STXBP5L: variants seen among roughly 807,000 people sequenced by gnomAD.
STXBP5L encodes the protein syntaxin binding protein 5L.
STXBP5L carries 65 observed loss-of-function variants against 144.5 expected under a neutral mutation model. The ratio of observed to expected loss-of-function variants is 0.45; its 90% CI spans 0.37 to 0.55. The LOEUF (loss-of-function observed/expected upper bound fraction) is 0.55. Ranked by LOEUF, STXBP5L falls within the 20% of genes least tolerant of loss-of-function variation. The pLI, the probability that STXBP5L is intolerant of heterozygous loss-of-function variation, is 0.00. For synonymous variants in STXBP5L, 505 were observed against 469.6 expected (o/e 1.08, Z -0.97); for missense variants, 1,298 against 1,405.5 (o/e 0.92, Z 1.22).
At chr3:121,098,397 C>T (rs1040062844) in intron 5 of STXBP5L, among the ~76,000 whole-genome samples, 1 of 152,096 alleles carries the variant, frequency 6.6e-6, no homozygotes, top group African/African-American at 2.4e-5. Flanking sequence ...ACAACTAGGT[C>T]TCATATGAAC....
intron 20 of STXBP5L, among the ~76,000 whole-genome samples, chr3:121,342,483 G>A (rs961110962): frequency 1.3e-5 from 2 of 150,864 alleles, no homozygotes; most frequent in Admixed American, 1.3e-4. Flanking sequence ...ATCTCCCACA[G>A]CTATCCTTCC....
intron 12 of STXBP5L, among the ~76,000 whole-genome samples, chr3:121,235,347 C>G (rs2049442648): frequency 6.6e-6 from 1 of 151,982 alleles, no homozygotes; most frequent in East Asian, 1.9e-4. Flanking sequence ...TCCATTTAAT[C>G]CCCAACCCGA....
Position 121,255,103 on chromosome 3 carries a change from A to G in STXBP5L, c.1650A>G (p.Thr550=). The change falls in exon 16 of 27, where the codon ACA becomes ACG. Residue 550 remains threonine, a synonymous_variant. Coordinates refer to ENST00000471454, the MANE Select transcript of STXBP5L (RefSeq NM_001308330.2). ...AATTCAGCAGACATGAAATTACAAC[A>G]GAAATAGTGGTAAGTTATTTAAAAT... The part of the protein sequence containing the change: ...IYKFSRHEIT[T]EIVSLEVRLQ... 1 of 1,586,232 alleles carries G rather than the reference A, an allele frequency of 6.3e-7. No homozygotes were observed. Among genetic ancestry groups the G allele is most frequent in the Non-Finnish European group, 8.6e-7 (1 of 1,167,454 alleles).
In STXBP5L at chr3:121,423,424, G is replaced by A. The variant is rs1003106363; in HGVS notation, c.*4327G>A. 1 of 152,172 alleles carries A rather than the reference G, an allele frequency of 6.6e-6. No homozygotes were observed. The highest frequency in any genetic ancestry group is 2.4e-5 in the African/African-American group (1 of 41,432). 9.4% of individuals were successfully genotyped at this position (152,172 alleles called of 1,614,324 possible). On this transcript the variant is annotated 3_prime_UTR_variant, in exon 27 of 27. Transcript: ENST00000471454. Reference sequence around the variant, plus strand: ...CCTGAAAGCATGAAATGTAGAATAGGTAAGGTCTGTCTTAGAAAAGGAGGA... The same window carrying A: ...CCTGAAAGCATGAAATGTAGAATAGATAAGGTCTGTCTTAGAAAAGGAGGA...
At chr3:121,205,785 T>C (rs969998124) in intron 9 of STXBP5L, 138 bp from the exon 10 acceptor site, 131 of 418,874 alleles carry the variant, frequency 3.1e-4, no homozygotes, top group Non-Finnish European at 3.8e-4. Flanking sequence ...GATTCATAGA[T>C]ATAAGTTTAT....
chr3:121,178,078 T>C (rs771002120), intron 9 of STXBP5L, among the ~76,000 whole-genome samples: 7 of 152,064 alleles, frequency 4.6e-5, no homozygotes, highest in Non-Finnish European at 8.8e-5. Context: ...TACTATCAAA[T>C]TCACAGAGGC....
chr3:121,246,209 C>T (rs2049847040), intron 14 of STXBP5L, among the ~76,000 whole-genome samples: 3 of 152,218 alleles, frequency 2.0e-5, no homozygotes. Context: ...CTATTGTGAA[C>T]TGCACATGCA....
chr3:120,943,136 A>G (rs1267466138), intron 2 of STXBP5L, among the ~76,000 whole-genome samples: 1 of 151,734 alleles, frequency 6.6e-6, no homozygotes. Flanking sequence ...AATAAAATTA[A>G]CTCATATTTA....
At chr3:121,163,964 A>G (rs2046411189) in intron 9 of STXBP5L, among the ~76,000 whole-genome samples, 1 of 152,190 alleles carries the variant, frequency 6.6e-6, no homozygotes, top group Non-Finnish European at 1.5e-5. Context: ...TATAGTTCAC[A>G]ACAGCAATTT....
chr3:121,068,728 A>G (rs1236840879), intron 5 of STXBP5L, among the ~76,000 whole-genome samples: 1 of 151,968 alleles, frequency 6.6e-6, no homozygotes, highest in Admixed American at 6.6e-5. Context: ...TATTGTTTAT[A>G]TTCATATATA....
chr3:120,943,863 T>C (rs1245500782), intron 2 of STXBP5L, among the ~76,000 whole-genome samples: 1 of 151,410 alleles, frequency 6.6e-6, no homozygotes, highest in African/African-American at 2.4e-5. Flanking sequence ...GTATCTTATA[T>C]AGTTTATTTT....
At position 121,422,708 on chromosome 3, in the gene STXBP5L, G is replaced by C. The variant is rs2047377126; in HGVS notation, c.*3611G>C. ...ACAGAACTGAATGAGATGTTTTCCA[G>C]TGATTCAGTCACAAAGACAATTTTC... is the stretch of plus-strand genomic sequence containing the variant. On this transcript the variant is annotated 3_prime_UTR_variant, in exon 27 of 27. Coordinates refer to ENST00000471454, the MANE Select transcript of STXBP5L (RefSeq NM_001308330.2). The C allele has an allele frequency of 6.6e-6, 1 of 152,140 alleles. No homozygotes were observed. The highest frequency in any genetic ancestry group is 1.5e-5 in the Non-Finnish European group (1 of 68,030). 9.4% of individuals were successfully genotyped at this position (152,140 alleles called of 1,614,324 possible).
At chr3:121,072,498 C>T (rs1209624198) in intron 5 of STXBP5L, among the ~76,000 whole-genome samples, 1 of 152,194 alleles carries the variant, frequency 6.6e-6, no homozygotes, top group Admixed American at 6.5e-5. Flanking sequence ...GCTTTATGAA[C>T]CGGGGGGCTA....
intron 5 of STXBP5L, among the ~76,000 whole-genome samples, chr3:121,113,218 T>C (rs1218074724): frequency 1.3e-5 from 2 of 152,224 alleles, no homozygotes; most frequent in Non-Finnish European, 2.9e-5. Flanking sequence ...TTGCTTTTTT[T>C]CTACTTGAAC....
At chr3:121,201,064 T>G (rs1262754320) in intron 9 of STXBP5L, among the ~76,000 whole-genome samples, 1 of 152,178 alleles carries the variant, frequency 6.6e-6, no homozygotes, top group Non-Finnish European at 1.5e-5. Flanking sequence ...TGTTGATCTG[T>G]CTAATATTGA....
At chr3:121,141,192 T>C (rs1049544125) in intron 7 of STXBP5L, among the ~76,000 whole-genome samples, 1 of 152,040 alleles carries the variant, frequency 6.6e-6, no homozygotes, top group African/African-American at 2.4e-5. Context: ...TCACCTGAGA[T>C]TGGGAGTTTG....
At chr3:121,024,147 G>C (rs1368652068) in intron 3 of STXBP5L, among the ~76,000 whole-genome samples, 2 of 152,084 alleles carry the variant, frequency 1.3e-5, no homozygotes, top group Non-Finnish European at 2.9e-5. Flanking sequence ...CCACAGACTT[G>C]GAGAAAATAT....
chr3:121,398,688 C>G (rs372653065), intron 22 of STXBP5L, among the ~76,000 whole-genome samples: 11 of 152,144 alleles, frequency 7.2e-5, no homozygotes, highest in African/African-American at 2.2e-4. Context: ...TTCCTTTATC[C>G]ACTCTCAGTC....
chr3:121,389,415 G>C (rs770842489), intron 22 of STXBP5L, among the ~76,000 whole-genome samples: 1 of 152,026 alleles, frequency 6.6e-6, no homozygotes, highest in Non-Finnish European at 1.5e-5. Context: ...GTTATTTCTT[G>C]CCTTCTGTTA....
Sources: gnomAD v4.1 joint callset for allele counts (sites outside exome capture counted in the v4.1 genomes callset) on GRCh38, gnomAD v4.1.1 for gene constraint, MANE v1.5 for transcripts, NCBI Gene and HGNC (gene_info 2026-07-23, HGNC 2026-07-21) for gene names.